Variants in DNASE1 observed in about 807,000 individuals in gnomAD.
DNASE1 encodes the protein deoxyribonuclease-1.
Under a neutral mutation model 33.9 loss-of-function variants are expected in DNASE1, and 40 were observed. The ratio of observed to expected loss-of-function variants is 1.18; its 90% CI spans 0.92 to 1.54. DNASE1 has a LOEUF of 1.54. Ranked by LOEUF, DNASE1 falls within the 40% of genes most tolerant of loss-of-function variation. DNASE1 has a pLI of 0.00. For synonymous variants in DNASE1, 216 were observed against 160.0 expected (o/e 1.35, Z -2.64); for missense variants, 518 against 372.6 (o/e 1.39, Z -3.21).
rs536962426 is a variant in DNASE1 at position 3,646,099 on chromosome 16, G to A, written c.-86+3063G>A. Among the ~76,000 whole-genome samples the A allele has an allele frequency of 8.3e-4, 127 of 152,164 alleles. 2 individuals carry two copies. The highest frequency in any genetic ancestry group is 1.1e-3 in the Non-Finnish European group (78 of 68,032). On this transcript the variant is annotated intron_variant, in intron 1 of 9. Transcript: ENST00000407479. Reference sequence around the variant, plus strand: ...GGCAGATAGGTCTTGTAGGGCTGTGGGAGCCACTGCAACCCTGGGAGCTTC... The same window carrying A: ...GGCAGATAGGTCTTGTAGGGCTGTGAGAGCCACTGCAACCCTGGGAGCTTC...
intron 1 of DNASE1, among the ~76,000 whole-genome samples, chr16:3,628,566 T>C (rs2041593139): frequency 6.7e-6 from 1 of 148,190 alleles, no homozygotes; most frequent in African/African-American, 2.5e-5. Flanking sequence ...TTTTTCTTTC[T>C]TTTTTTTTTG....
chr16:3,656,836 TCA>T, intron 5 of DNASE1, 83 bp downstream of exon 5: 2 of 1,543,734 alleles, frequency 1.3e-6, no homozygotes, highest in Admixed American at 3.9e-5. Flanking sequence ...AATGCCTGTG[TCA>T]CACACTGCCC....
intron 7 of DNASE1, 89 bp downstream of exon 7, chr16:3,657,430 T>TTTGAACACTCACCCAACTGAGC: frequency 6.6e-7 from 1 of 1,525,594 alleles, no homozygotes; most frequent in Non-Finnish European, 8.9e-7. Flanking sequence ...CCTCAAAGCC[T>TTTGAACACTCACCCAACTGAGC]TTGAACACTC....
At chr16:3,621,891 C>CA (rs2041327581) in intron 1 of DNASE1, among the ~76,000 whole-genome samples, 1 of 152,058 alleles carries the variant, frequency 6.6e-6, no homozygotes, top group South Asian at 2.1e-4. Flanking sequence ...ATGGGTAAAT[C>CA]AGAGTGTTTT....
rs759518571 is a variant in DNASE1 at position 3,655,544 on chromosome 16, C to A, written c.147+24C>A. ...AGGTGAGGCCAGGGCAGCCTCCCCCCAAAAGCAGAGGAGCTCTGGAGTCTA... is the reference window on the plus strand; with the variant it reads ...AGGTGAGGCCAGGGCAGCCTCCCCCAAAAAGCAGAGGAGCTCTGGAGTCTA... On this transcript the variant is annotated intron_variant, in intron 2 of 8. Coordinates refer to ENST00000246949, the MANE Select transcript of DNASE1 (RefSeq NM_005223.4). 6.8e-6 allele frequency: 11 copies of A among 1,613,724 alleles called. No homozygotes were observed. In the East Asian group the frequency reaches 1.6e-4, roughly 23 times the overall value.
At chr16:3,658,659 A>AAC, downstream of DNASE1, 1 of 867,036 alleles carries the variant, frequency 1.2e-6, no homozygotes, top group Non-Finnish European at 1.8e-6. Flanking sequence ...GCAACAGAGC[A>AAC]ACACTCCATC....
chr16:3,638,841 T>C (rs1476535095), upstream of DNASE1, among the ~76,000 whole-genome samples: 1 of 152,238 alleles, frequency 6.6e-6, no homozygotes, highest in African/African-American at 2.4e-5. Flanking sequence ...TTGCTATGTC[T>C]TCAAATTCAT....
At chr16:3,644,418 C>T (rs149897634) in intron 1 of DNASE1, among the ~76,000 whole-genome samples, 1 of 152,184 alleles carries the variant, frequency 6.6e-6, no homozygotes, top group East Asian at 1.9e-4. Context: ...CAAAAATTAG[C>T]CAGGTGTGGT....
intron 4 of DNASE1, 56 bp downstream of exon 4, chr16:3,656,241 A>G: frequency 6.4e-7 from 1 of 1,553,922 alleles, no homozygotes; most frequent in South Asian, 1.1e-5. Flanking sequence ...GCCCCAACAG[A>G]GCAGGGAAGT....
intron 1 of DNASE1, among the ~76,000 whole-genome samples, chr16:3,620,160 C>T (rs2041255980): frequency 3.9e-5 from 6 of 152,054 alleles, no homozygotes; most frequent in Admixed American, 3.9e-4. Context: ...AAGTGATCCA[C>T]CCGCATCGGC....
chr16:3,656,288 G>C, intron 4 of DNASE1, 103 bp downstream of exon 4: 1 of 1,248,158 alleles, frequency 8.0e-7, no homozygotes, highest in South Asian at 1.2e-5. Context: ...GCAAGAACCT[G>C]AGGCTTCAGA....
rs777359194 is a variant in DNASE1 at position 3,655,927 on chromosome 16, A to G, written c.226A>G (p.Asn76Asp). Reference protein sequence around the residue: ...HLTAVGKLLDNLNQDAPDTYH... With the variant: ...HLTAVGKLLDDLNQDAPDTYH... Reference sequence around the variant, plus strand: ...GACTGCCGTGGGGAAGCTGCTGGACAACCTCAATCAGTGGGTGACAGTGGC... The same window carrying G: ...GACTGCCGTGGGGAAGCTGCTGGACGACCTCAATCAGTGGGTGACAGTGGC... The change falls in exon 3 of 9, where the codon AAC becomes GAC. Residue 76 changes from asparagine to aspartate, a missense_variant. Asn to Asp is a conservative substitution (Grantham distance 23). Transcript: ENST00000246949. 1.5e-5 allele frequency: 24 copies of G among 1,614,080 alleles called. No individual in the cohort carries two copies. The highest frequency in any genetic ancestry group is 1.9e-5 in the Non-Finnish European group (23 of 1,180,006).
upstream of DNASE1, among the ~76,000 whole-genome samples, chr16:3,638,843 C>G (rs977751116): frequency 3.9e-5 from 6 of 152,174 alleles, no homozygotes; most frequent in African/African-American, 1.4e-4. Context: ...GCTATGTCTT[C>G]AAATTCATGG....
chr16:3,614,359 A>C (rs1487664514), intron 1 of DNASE1, among the ~76,000 whole-genome samples: 2 of 152,122 alleles, frequency 1.3e-5, no homozygotes, highest in African/African-American at 4.8e-5. Context: ...GGCCTGAAAT[A>C]ATTTACTTAC....
chr16:3,613,641 C>T (rs1281577388), intron 1 of DNASE1, among the ~76,000 whole-genome samples: 1 of 152,184 alleles, frequency 6.6e-6, no homozygotes, highest in African/African-American at 2.4e-5. Context: ...GAATGATAAG[C>T]AGCCCAGAGG....
At chr16:3,644,242 C>T (rs1324321776) in intron 1 of DNASE1, among the ~76,000 whole-genome samples, 1 of 150,874 alleles carries the variant, frequency 6.6e-6, no homozygotes, top group Non-Finnish European at 1.5e-5. Context: ...CTGGGCAACA[C>T]AGCAAGACCT....
intron 1 of DNASE1, among the ~76,000 whole-genome samples, chr16:3,626,998 A>T (rs1567190216): frequency 6.6e-6 from 1 of 151,324 alleles, no homozygotes; most frequent in Non-Finnish European, 1.5e-5. Flanking sequence ...CCGTCTTCTG[A>T]GGAGCTGGGA....
chr16:3,631,500 C>T (rs963001456), intron 1 of DNASE1, among the ~76,000 whole-genome samples: 2 of 151,122 alleles, frequency 1.3e-5, no homozygotes, highest in Admixed American at 1.3e-4. Context: ...CCACTGTGCC[C>T]AGCCACCTTA....
chr16:3,627,413 G>C (rs2041548437), intron 1 of DNASE1, among the ~76,000 whole-genome samples: 1 of 151,722 alleles, frequency 6.6e-6, no homozygotes, highest in Non-Finnish European at 1.5e-5. Flanking sequence ...ATGGGACTAT[G>C]GGTGTGTGCC....
Sources: allele counts gnomAD v4.1 joint callset (sites outside exome capture counted in the v4.1 genomes callset), GRCh38; gene constraint gnomAD v4.1.1; transcripts MANE v1.5; gene names NCBI Gene and HGNC (gene_info 2026-07-23, HGNC 2026-07-21).